RABGAP1L: variants seen among roughly 807,000 people sequenced by gnomAD.
The protein encoded by RABGAP1L is RAB GTPase activating protein 1 like, also known as rab GTPase-activating protein 1-like.
In RABGAP1L, 63 loss-of-function variants were observed where a neutral mutation model predicts 137.7. The observed-to-expected ratio is 0.46, with a 90% confidence interval of 0.37 to 0.56. The LOEUF is 0.56. Ranked by LOEUF, RABGAP1L falls within the 20% of genes least tolerant of loss-of-function variation. RABGAP1L has a pLI of 0.00. For synonymous variants in RABGAP1L, 431 were observed against 433.7 expected (o/e 0.99, Z 0.08); for missense variants, 1,095 against 1,244.0 (o/e 0.88, Z 1.80).
At chr1:174,925,379 A>C (rs867773042) in intron 19 of RABGAP1L, among the ~76,000 whole-genome samples, 9 of 142,954 alleles carry the variant, frequency 6.3e-5, no homozygotes, top group South Asian at 4.3e-4. Context: ...AAAAAAAAAA[A>C]CAGCAAAAAA....
rs1471482447 is a variant in RABGAP1L at position 174,633,841 on chromosome 1, C to A, written c.1711-3534C>A. On this transcript the variant is annotated intron_variant, in intron 13 of 25. Transcript: ENST00000681986. ...AAACTGGCTAGCCATATGTAGAAAG[C>A]TGAAACTGGATCCCTTCCTTACACC... Among the ~76,000 whole-genome samples the A allele has an allele frequency of 9.9e-4, 125 of 126,896 alleles. 1 individual carries two copies. Among genetic ancestry groups the A allele is most frequent in the Admixed American group, 2.6e-3 (33 of 12,820 alleles). 83.2% of individuals were successfully genotyped at this position (126,896 alleles called of 152,430 possible). A position where few individuals can be genotyped will look rare whatever the true frequency, so the allele number is the denominator to read the frequency against.
chr1:174,600,178 A>T (rs1324241491), intron 13 of RABGAP1L, among the ~76,000 whole-genome samples: 1 of 152,200 alleles, frequency 6.6e-6, no homozygotes, highest in East Asian at 1.9e-4. Context: ...TATTCACTAT[A>T]CAAGAATAGC....
At chr1:174,175,163 A>G (rs1324387659) in intron 1 of RABGAP1L, among the ~76,000 whole-genome samples, 1 of 144,502 alleles carries the variant, frequency 6.9e-6, no homozygotes, top group African/African-American at 2.7e-5. Flanking sequence ...GACACAGACC[A>G]GTAGATTATG....
At chr1:174,370,564 A>G (rs772216102) in intron 11 of RABGAP1L, among the ~76,000 whole-genome samples, 19 of 97,796 alleles carry the variant, frequency 1.9e-4, no homozygotes, top group Non-Finnish European at 2.9e-4. Context: ...ATATCATAAT[A>G]TGTATGTTTC....
chr1:174,488,335 G>A (rs991761477), intron 13 of RABGAP1L, among the ~76,000 whole-genome samples: 1 of 149,800 alleles, frequency 6.7e-6, no homozygotes, highest in Non-Finnish European at 1.5e-5. Context: ...TTTTTCTTTA[G>A]CAGTTTACAT....
chr1:174,642,850 T>C (rs1674656429), intron 14 of RABGAP1L, among the ~76,000 whole-genome samples: 1 of 149,302 alleles, frequency 6.7e-6, no homozygotes, highest in African/African-American at 2.5e-5. Flanking sequence ...AGTGGTGCAA[T>C]CTTGGTTCAT....
At chr1:174,315,412 GCAA>G (rs1222711503) in intron 11 of RABGAP1L, among the ~76,000 whole-genome samples, 1 of 151,996 alleles carries the variant, frequency 6.6e-6, no homozygotes, top group African/African-American at 2.4e-5. Context: ...TTTCTTGTAG[GCAA>G]CAGATCAATG....
intron 17 of RABGAP1L, among the ~76,000 whole-genome samples, chr1:174,732,730 A>T (rs464635): frequency 0.36 from 54,848 of 151,986 alleles, 12,761 homozygotes; most frequent in African/African-American, 0.66. Flanking sequence ...GCTGGTGAAC[A>T]CTAGAACAGG....
At chr1:174,208,954 C>T (rs1328247618) in intron 1 of RABGAP1L, among the ~76,000 whole-genome samples, 1 of 152,150 alleles carries the variant, frequency 6.6e-6, no homozygotes, top group Non-Finnish European at 1.5e-5. Context: ...CAGTCCCCAA[C>T]CTTTTTGGCA....
At chr1:174,572,663 GAGCCACCCTGCCC>G (rs1375800664) in intron 13 of RABGAP1L, among the ~76,000 whole-genome samples, 2 of 152,130 alleles carry the variant, frequency 1.3e-5, no homozygotes, top group Non-Finnish European at 2.9e-5. Context: ...CTGCAGGCGT[GAGCCACCCTGCCC>G]AGCCAACGTT....
chr1:174,470,271 C>A (rs1657764452), intron 13 of RABGAP1L, among the ~76,000 whole-genome samples: 1 of 152,012 alleles, frequency 6.6e-6, no homozygotes, highest in Non-Finnish European at 1.5e-5. Flanking sequence ...ACTTTCTAGC[C>A]CCTCAAAAGC....
intron 13 of RABGAP1L, among the ~76,000 whole-genome samples, chr1:174,614,772 C>G (rs1183501493): frequency 6.6e-6 from 1 of 152,148 alleles, no homozygotes; most frequent in East Asian, 1.9e-4. Flanking sequence ...AGGCTTTGCT[C>G]ATTTCTTTTT....
intron 14 of RABGAP1L, among the ~76,000 whole-genome samples, chr1:174,651,282 G>T (rs1031413041): frequency 2.0e-5 from 3 of 152,070 alleles, no homozygotes; most frequent in Admixed American, 6.6e-5. Flanking sequence ...GAATAGGTGT[G>T]GTGTGGTGCT....
intron 13 of RABGAP1L, among the ~76,000 whole-genome samples, chr1:174,505,425 C>T (rs1661727550): frequency 6.6e-6 from 1 of 151,216 alleles, no homozygotes; most frequent in Non-Finnish European, 1.5e-5. Flanking sequence ...TATATCGGTA[C>T]ATATTTTAAA....
At chr1:174,989,500 T>C (rs1352100931) in intron 25 of RABGAP1L, among the ~76,000 whole-genome samples, 1 of 152,222 alleles carries the variant, frequency 6.6e-6, no homozygotes, top group African/African-American at 2.4e-5. Flanking sequence ...TTCATGCTTC[T>C]ACTATCAGTA....
Position 174,957,552 on chromosome 1 carries a change from A to G in RABGAP1L, c.2433+3A>G, listed in dbSNP as rs1474726732. On this transcript the variant is annotated splice_donor_region_variant and intron_variant, in intron 20 of 25. Coordinates refer to ENST00000681986, the MANE Select transcript of RABGAP1L (RefSeq NM_001366446.1). ...AAGACCCAATGGATAGATACAAGGT[A>G]TGAGAAATATGTTGCACCTATCAAA... 1 of 1,591,738 alleles carries G rather than the reference A, an allele frequency of 6.3e-7. No individual in the cohort carries two copies. Among genetic ancestry groups the G allele is most frequent in the Non-Finnish European group, 8.6e-7 (1 of 1,159,848 alleles).
At position 174,948,531 on chromosome 1, in the gene RABGAP1L, A is replaced by AC. The variant is rs751751668; in HGVS notation, c.2341-8926_2341-8925insC. Among the ~76,000 whole-genome samples the AC allele has an allele frequency of 1.9e-3, 273 of 147,550 alleles. 7 individuals carry two copies. Among genetic ancestry groups the AC allele is most frequent in the East Asian group, 7.9e-3 (38 of 4,812 alleles). ...CCTCAAAAAAAAAAAAAAAAAAAAA[A>AC]AGGAGTGTAACTGGATTCTTTGTAA... On this transcript the variant is annotated intron_variant, in intron 19 of 25. Transcript: ENST00000681986.
intron 13 of RABGAP1L, among the ~76,000 whole-genome samples, chr1:174,580,044 G>C (rs1440398589): frequency 6.6e-6 from 1 of 152,220 alleles, no homozygotes; most frequent in Admixed American, 6.5e-5. Context: ...TTACAGGCAT[G>C]AGACACCGTG....
intron 19 of RABGAP1L, among the ~76,000 whole-genome samples, chr1:174,840,634 CA>C (rs571457207): frequency 0.034 from 3,851 of 113,380 alleles, 168 homozygotes; most frequent in African/African-American, 0.12. Flanking sequence ...ACTAAAAATA[CA>C]AAAAAAAAAA....
Sources: allele counts gnomAD v4.1 joint callset (sites outside exome capture counted in the v4.1 genomes callset), GRCh38; gene constraint gnomAD v4.1.1; transcripts MANE v1.5; gene names NCBI Gene and HGNC (gene_info 2026-07-23, HGNC 2026-07-21).